Variants in SCN3A observed in about 807,000 individuals in gnomAD.
The protein encoded by SCN3A is sodium channel protein type 3 subunit alpha.
SCN3A carries 60 observed loss-of-function variants against 187.6 expected under a neutral mutation model. That is an observed-to-expected ratio of 0.32 (90% CI 0.26 to 0.40). The LOEUF is 0.40. Among genes scored for constraint, SCN3A ranks in the 10% least tolerant of loss-of-function variants. The pLI is 1.00. For synonymous variants in SCN3A, 788 were observed against 829.2 expected, an observed-to-expected ratio of 0.95 and a Z score of 0.85; for missense variants, 1,601 against 2,428.2, an observed-to-expected ratio of 0.66 and a Z score of 7.16.
intron 9 of SCN3A, among the ~76,000 whole-genome samples, chr2:165,159,442 G>T (rs1416156057): frequency 7.3e-6 from 1 of 136,772 alleles, no homozygotes; most frequent in Non-Finnish European, 1.5e-5. Context: ...CTGCAGCCTC[G>T]ACCTCCCAGG....
At chr2:165,149,179 C>CTTT (rs11293055) in intron 11 of SCN3A, among the ~76,000 whole-genome samples, 1 of 144,944 alleles carries the variant, frequency 6.9e-6, no homozygotes, top group Non-Finnish European at 1.5e-5. Context: ...CACTTCCAAA[C>CTTT]TTTTTTTTTT....
At chr2:165,122,617 T>A (rs1019288627) in intron 18 of SCN3A, among the ~76,000 whole-genome samples, 6 of 152,226 alleles carry the variant, frequency 3.9e-5, no homozygotes, top group African/African-American at 1.4e-4. Context: ...AGAAAACTCA[T>A]TAGCAGAATT....
intron 15 of SCN3A, among the ~76,000 whole-genome samples, chr2:165,136,491 A>T (rs1043409642): frequency 6.6e-6 from 1 of 152,160 alleles, no homozygotes. Flanking sequence ...ACTCTGCACG[A>T]AGGGTATTAT....
intron 1 of SCN3A, among the ~76,000 whole-genome samples, chr2:165,196,211 G>A (rs975360049): frequency 2.6e-5 from 4 of 151,160 alleles, no homozygotes; most frequent in Non-Finnish European, 5.9e-5. Flanking sequence ...TTAAATAAAT[G>A]ATCCAATCCC....
intron 9 of SCN3A, among the ~76,000 whole-genome samples, chr2:165,156,775 A>G (rs891987480): frequency 3.9e-5 from 6 of 152,076 alleles, no homozygotes; most frequent in Non-Finnish European, 7.4e-5. Flanking sequence ...CTGGTCTGAA[A>G]CTTCTGGGCT....
chr2:165,115,297 G>A (rs1401978670), intron 19 of SCN3A, among the ~76,000 whole-genome samples, 158 bp downstream of exon 19: 1 of 151,770 alleles, frequency 6.6e-6, no homozygotes, highest in Non-Finnish European at 1.5e-5. Flanking sequence ...AAACTCCTGG[G>A]GTCAAGCAAT....
chr2:165,097,181 G>C, intron 23 of SCN3A, 71 bp downstream of exon 23: 2 of 1,569,088 alleles, frequency 1.3e-6, no homozygotes, highest in Non-Finnish European at 1.7e-6. Flanking sequence ...TTCAAACGAA[G>C]AACATCAGGG....
At chr2:165,193,274 A>G (rs1219234626) in intron 1 of SCN3A, among the ~76,000 whole-genome samples, 2 of 152,048 alleles carry the variant, frequency 1.3e-5, no homozygotes, top group Non-Finnish European at 2.9e-5. Context: ...TAGTTTTTCT[A>G]TTTTATGTAG....
chr2:165,172,800 A>G (rs1001467316), intron 3 of SCN3A, among the ~76,000 whole-genome samples: 4 of 152,140 alleles, frequency 2.6e-5, no homozygotes, highest in Non-Finnish European at 4.4e-5. Context: ...CGTTGAATTT[A>G]TAGGTTCTAA....
rs199544951 is a variant in SCN3A, at chr2:165,162,831, G to T, written c.695-3C>A. The T allele has an allele frequency of 1.2e-6, 2 of 1,613,846 alleles. No individual in the cohort carries two copies. The highest frequency in any genetic ancestry group is 1.7e-6 in the Non-Finnish European group (2 of 1,179,904). ...GGCCCCCACAATGGTCTTTAAACCTGCAGAGAGAGAACTATAGGTTACCTG... is the reference window on the plus strand; with the variant it reads ...GGCCCCCACAATGGTCTTTAAACCTTCAGAGAGAGAACTATAGGTTACCTG... On this transcript the variant is annotated splice_polypyrimidine_tract_variant and splice_region_variant and intron_variant, in intron 7 of 27. Transcript: ENST00000283254.
chr2:165,146,574 C>T (rs1574218121), intron 12 of SCN3A, among the ~76,000 whole-genome samples, 165 bp downstream of exon 12: 1 of 150,880 alleles, frequency 6.6e-6, no homozygotes. Context: ...TAATAAAAAT[C>T]CCTTTGAAGA....
chr2:165,156,684 G>C (rs1251899672), intron 9 of SCN3A, among the ~76,000 whole-genome samples: 2 of 151,780 alleles, frequency 1.3e-5, no homozygotes, highest in Non-Finnish European at 2.9e-5. Context: ...GATAGTACAG[G>C]CTTCATACAT....
intron 18 of SCN3A, among the ~76,000 whole-genome samples, chr2:165,123,223 A>AT (rs1328196076): frequency 1.3e-5 from 2 of 152,098 alleles, no homozygotes; most frequent in African/African-American, 4.8e-5. Context: ...AATTTCCTGA[A>AT]CTTTTTTCAT....
intron 10 of SCN3A, 76 bp downstream of exon 10, chr2:165,155,686 A>G: frequency 1.3e-6 from 2 of 1,554,514 alleles, no homozygotes; most frequent in Non-Finnish European, 1.8e-6. Flanking sequence ...GGCATGAGCC[A>G]CCACACCCAG....
In SCN3A at chr2:165,131,405, TC is replaced by T; in HGVS notation, c.2403del (p.Ile802PhefsTer35). The part of the protein sequence containing the change: ...VLTVGNLVFT[G>X]IFTAEMVLKI... ...TTGAGAACCATTTCTGCTGTGAAAA[TC>T]CCAGTAAAGACCTAAAAAATAGAGA... On this transcript the variant is annotated frameshift_variant, in exon 16 of 28. Coordinates refer to ENST00000283254, the MANE Select transcript of SCN3A (RefSeq NM_006922.4). LOFTEE classifies it high-confidence loss of function. The T allele has an allele frequency of 6.2e-7, 1 of 1,604,124 alleles. No homozygotes were observed. The highest frequency in any genetic ancestry group is 8.5e-7 in the Non-Finnish European group (1 of 1,174,194).
intron 17 of SCN3A, among the ~76,000 whole-genome samples, chr2:165,129,421 T>A (rs17829626): frequency 0.2 from 30,984 of 152,146 alleles, 3,159 homozygotes; most frequent in East Asian, 0.27. Context: ...ACTTGGATAA[T>A]TACAATGCAT....
At chr2:165,139,378 G>C in intron 14 of SCN3A, 98 bp downstream of exon 14, 1 of 1,534,564 alleles carries the variant, frequency 6.5e-7, no homozygotes, top group Non-Finnish European at 9.0e-7. Flanking sequence ...ATATAGTTTC[G>C]ATCTGGGTAA....
intron 21 of SCN3A, among the ~76,000 whole-genome samples, chr2:165,107,871 GA>G (rs1286228109): frequency 5.3e-5 from 8 of 152,146 alleles, no homozygotes; most frequent in Non-Finnish European, 1.0e-4. Context: ...GTAAGTAAAA[GA>G]GACATTTATA....
At chr2:165,167,884 T>A (rs1689872813) in intron 5 of SCN3A, among the ~76,000 whole-genome samples, 1 of 152,078 alleles carries the variant, frequency 6.6e-6, no homozygotes, top group Non-Finnish European at 1.5e-5. Context: ...TGGTTTAACA[T>A]CCTGAACAAC....
Sources: allele counts gnomAD v4.1 joint callset (sites outside exome capture counted in the v4.1 genomes callset), GRCh38; gene constraint gnomAD v4.1.1; transcripts MANE v1.5; gene names NCBI Gene and HGNC (gene_info 2026-07-23, HGNC 2026-07-21).